FBXO22: variants seen among roughly 807,000 people sequenced by gnomAD.
FBXO22 encodes F-box protein 22, also known as F-box only protein 22.
FBXO22 carries 13 observed loss-of-function variants against 37.2 expected under a neutral mutation model. The ratio of observed to expected loss-of-function variants is 0.35; its 90% CI spans 0.23 to 0.56. The LOEUF is 0.56. FBXO22 is among the 20% of genes least tolerant of loss of function. FBXO22 has a pLI of 0.87. For missense variants in FBXO22, 446 were observed against 509.9 expected (o/e 0.87, Z 1.21); for synonymous variants, 189 against 189.1 (o/e 1.00, Z 0.00).
At chr15:75,914,293 A>T (rs1900135265) in intron 4 of FBXO22, 88 bp downstream of exon 4, 1 of 831,492 alleles carries the variant, frequency 1.2e-6, no homozygotes, top group Non-Finnish European at 2.0e-6. Context: ...TTAGAACCAC[A>T]TTTCTATTTC....
chr15:75,927,234 T>A (rs1466857622), intron 5 of FBXO22, among the ~76,000 whole-genome samples: 1 of 152,220 alleles, frequency 6.6e-6, no homozygotes, highest in Non-Finnish European at 1.5e-5. Context: ...GGCTAAACTT[T>A]CCCTTTGGCA....
chr15:75,917,927 A>T (rs778391406), intron 5 of FBXO22, among the ~76,000 whole-genome samples: 3 of 152,212 alleles, frequency 2.0e-5, no homozygotes, highest in Admixed American at 6.5e-5. Flanking sequence ...TCCTGCAGGT[A>T]GTGTGGATGG....
intron 2 of FBXO22, 99 bp downstream of exon 2, chr15:75,904,728 A>ACCT: frequency 3.3e-6 from 3 of 911,486 alleles, no homozygotes; most frequent in Middle Eastern, 2.4e-4. Flanking sequence ...AATTAAAGGA[A>ACCT]CATCTCGTTC....
intron 5 of FBXO22, among the ~76,000 whole-genome samples, chr15:75,920,399 A>T (rs1407176987): frequency 2.0e-5 from 3 of 152,220 alleles, no homozygotes; most frequent in African/African-American, 7.2e-5. Flanking sequence ...GTCCAGGGCA[A>T]CATAGCCCAG....
At chr15:75,930,763 C>A (rs900497626) in intron 6 of FBXO22, 1 of 985,432 alleles carries the variant, frequency 1.0e-6, no homozygotes, top group Middle Eastern at 5.2e-4. Context: ...GCAGGAAAAT[C>A]AGACCCTACC....
chr15:75,904,925 G>A (rs1210918405), intron 2 of FBXO22, among the ~76,000 whole-genome samples: 2 of 149,482 alleles, frequency 1.3e-5, no homozygotes, highest in African/African-American at 2.5e-5. Flanking sequence ...CCGGGTTCAC[G>A]CCATTCTCCT....
rs1383884465 is a variant in FBXO22, at chr15:75,935,324, C to CATGAAAAAA, written c.*2226_*2234dup. The CATGAAAAAA allele has an allele frequency of 6.6e-6, 1 of 151,982 alleles. No individual in the cohort carries two copies. Among genetic ancestry groups the CATGAAAAAA allele is most frequent in the African/African-American group, 2.4e-5 (1 of 41,386 alleles). 9.4% of individuals were successfully genotyped at this position (151,982 alleles called of 1,614,324 possible). On this transcript the variant is annotated 3_prime_UTR_variant, in exon 7 of 7. Transcript: ENST00000308275. ...TCCTCTGTGAAACTGAAAATGATCACATGAAAAAAATGTGAGCATAAAAAA... is the reference window on the plus strand; with the variant it reads ...TCCTCTGTGAAACTGAAAATGATCACATGAAAAAAATGAAAAAAATGTGAGCATAAAAAA...
At chr15:75,904,255 A>G (rs1899867772) in intron 1 of FBXO22, 152 bp downstream of exon 1, 1 of 1,206,838 alleles carries the variant, frequency 8.3e-7, no homozygotes, top group Non-Finnish European at 1.1e-6. Context: ...CCCGCGAGGT[A>G]TCTCCCAGCC....
In FBXO22 at chr15:75,936,439, T is replaced by C. The variant is rs1028780756; in HGVS notation, c.*3337T>C. Reference sequence around the variant, plus strand: ...TATATAGGGAAGAATAATCAAATATTTGCAAAATATGTTATTTTTGTTTTA... The same window carrying C: ...TATATAGGGAAGAATAATCAAATATCTGCAAAATATGTTATTTTTGTTTTA... On this transcript the variant is annotated 3_prime_UTR_variant, in exon 7 of 7. Transcript: ENST00000308275. 5 of 152,218 alleles carry C rather than the reference T, an allele frequency of 3.3e-5. No individual in the cohort carries two copies. 9.4% of individuals were successfully genotyped at this position (152,218 alleles called of 1,614,324 possible). A position where few individuals can be genotyped will look rare whatever the true frequency, so the allele number is the denominator to read the frequency against.
intron 2 of FBXO22, among the ~76,000 whole-genome samples, chr15:75,912,409 T>C (rs1450405063): frequency 6.6e-6 from 1 of 152,164 alleles, no homozygotes; most frequent in East Asian, 1.9e-4. Flanking sequence ...TGGGCTTTTT[T>C]TGGTTGGTAG....
At chr15:75,925,635 C>T (rs1445134814) in intron 5 of FBXO22, among the ~76,000 whole-genome samples, 2 of 150,982 alleles carry the variant, frequency 1.3e-5, no homozygotes, top group African/African-American at 4.9e-5. Flanking sequence ...TTCGAAGTTG[C>T]CCAGCCCTTG....
At chr15:75,904,376 A>G in intron 1 of FBXO22, 115 bp from the exon 2 acceptor site, 1 of 1,476,348 alleles carries the variant, frequency 6.8e-7, no homozygotes, top group Non-Finnish European at 9.3e-7. Context: ...TACCCCGGGG[A>G]CTTTGGATCC....
At chr15:75,925,680 A>AG (rs1290001928) in intron 5 of FBXO22, among the ~76,000 whole-genome samples, 4 of 151,372 alleles carry the variant, frequency 2.6e-5, no homozygotes, top group Non-Finnish European at 5.9e-5. Flanking sequence ...AGTGTTAAAA[A>AG]AAAAAAAAAA....
At chr15:75,913,373 GAGTTAAC>G in intron 3 of FBXO22, 83 bp downstream of exon 3, 1 of 913,648 alleles carries the variant, frequency 1.1e-6, no homozygotes, top group African/African-American at 1.7e-5. Flanking sequence ...CTTGTCCTGA[GAGTTAAC>G]TGACTTTCTG....
rs2030543811 is a variant in FBXO22, at chr15:75,937,962, AAC to A, written c.*4862_*4863del. ...TGGGGTAAGACTTTGGGAAATTAAG[AAC>A]AGTTACATATACAGGGGGGATTTAA... On this transcript the variant is annotated 3_prime_UTR_variant, in exon 7 of 7. Transcript: ENST00000308275. 1 of 152,222 alleles carries A rather than the reference AAC, an allele frequency of 6.6e-6. No homozygotes were observed. Among genetic ancestry groups the A allele is most frequent in the Non-Finnish European group, 1.5e-5 (1 of 68,046 alleles). The allele number at this position is 152,222 out of a possible 1,614,324, so 9.4% of individuals were successfully genotyped here.
chr15:75,921,500 T>A (rs1325472767), intron 5 of FBXO22, among the ~76,000 whole-genome samples: 4 of 151,894 alleles, frequency 2.6e-5, no homozygotes, highest in Admixed American at 6.6e-5. Context: ...CCATCTCTAC[T>A]AAAAATACAA....
rs1050219303 is a variant in FBXO22 at position 75,939,542 on chromosome 15, C to T, written c.*6440C>T. The T allele has an allele frequency of 4.6e-5, 7 of 152,102 alleles. No individual in the cohort carries two copies. Among genetic ancestry groups the T allele is most frequent in the African/African-American group, 1.2e-4 (5 of 41,418 alleles). The allele number at this position is 152,102 out of a possible 1,614,324, so 9.4% of individuals were successfully genotyped here. On this transcript the variant is annotated 3_prime_UTR_variant, in exon 7 of 7. Coordinates refer to ENST00000308275, the MANE Select transcript of FBXO22 (RefSeq NM_147188.3). ...TTTCCCAAAAATTGAAGAGGAAGGA[C>T]GCTGCCTAATTCATTCTGATGCTGA...
At chr15:75,932,421 G>C (rs1282694040) in intron 6 of FBXO22, among the ~76,000 whole-genome samples, 1 of 152,126 alleles carries the variant, frequency 6.6e-6, no homozygotes. Context: ...CCGGATATGG[G>C]TTTCAGAAAT....
At chr15:75,931,369 A>C (rs1424005349) in intron 6 of FBXO22, among the ~76,000 whole-genome samples, 1 of 152,212 alleles carries the variant, frequency 6.6e-6, no homozygotes. Context: ...TGAGTAAATG[A>C]GGGCTCCATT....
Sources: allele counts gnomAD v4.1 joint callset (sites outside exome capture counted in the v4.1 genomes callset), GRCh38; gene constraint gnomAD v4.1.1; transcripts MANE v1.5; gene names NCBI Gene and HGNC (gene_info 2026-07-23, HGNC 2026-07-21).